NRXN3: variants seen among roughly 807,000 people sequenced by gnomAD.
NRXN3 encodes neurexin III.
NRXN3 carries 32 observed loss-of-function variants against 137.6 expected under a neutral mutation model. The ratio of observed to expected loss-of-function variants is 0.23; its 90% CI spans 0.18 to 0.31. The LOEUF is 0.31. Ranked by LOEUF, NRXN3 falls within the 10% of genes least tolerant of loss-of-function variation. The pLI is 1.00. For synonymous variants in NRXN3, 798 were observed against 784.5 expected, an observed-to-expected ratio of 1.02 and a Z score of -0.29; for missense variants, 1,574 against 2,062.5, an observed-to-expected ratio of 0.76 and a Z score of 4.59.
At chr14:78,626,618 G>T (rs1336857836) in intron 4 of NRXN3, among the ~76,000 whole-genome samples, 1 of 152,158 alleles carries the variant, frequency 6.6e-6, no homozygotes, top group Non-Finnish European at 1.5e-5. Flanking sequence ...CAGATAAAAA[G>T]TCATTCATGT....
At chr14:79,102,669 A>C (rs2051558174) in intron 15 of NRXN3, among the ~76,000 whole-genome samples, 1 of 152,142 alleles carries the variant, frequency 6.6e-6, no homozygotes, top group African/African-American at 2.4e-5. Flanking sequence ...TTTATAAGGC[A>C]AAAGGAGTGG....
At position 79,117,619 on chromosome 14, in the gene NRXN3, T is replaced by C. The variant is rs565679849; in HGVS notation, c.3262+129478T>C. 7.6e-4 allele frequency among the ~76,000 whole-genome samples: 115 copies of C among 152,238 alleles called. 1 individual carries two copies. Among genetic ancestry groups the C allele is most frequent in the African/African-American group, 2.8e-3 (115 of 41,534 alleles). ...ACATTTTTAAGGCAGCACAGACAAG[T>C]GTGATCGGTAGAAGTCATGGTGAGT... is the stretch of plus-strand genomic sequence containing the variant. On this transcript the variant is annotated intron_variant, in intron 15 of 20. Transcript: ENST00000335750.
At chr14:79,679,098 G>A (rs1173004592) in intron 17 of NRXN3, among the ~76,000 whole-genome samples, 1 of 148,224 alleles carries the variant, frequency 6.7e-6, no homozygotes. Context: ...GTTGTCAGTT[G>A]AAATTATTTT....
intron 4 of NRXN3, among the ~76,000 whole-genome samples, chr14:78,415,443 G>A (rs1035940474): frequency 4.6e-5 from 7 of 152,038 alleles, no homozygotes; most frequent in Non-Finnish European, 8.8e-5. Context: ...TGGGTAAGCC[G>A]TCCAGTTAGT....
intron 7 of NRXN3, among the ~76,000 whole-genome samples, chr14:78,710,410 G>T (rs2098396877): frequency 6.6e-6 from 1 of 152,152 alleles, no homozygotes; most frequent in South Asian, 2.1e-4. Context: ...GTTTTTGAAT[G>T]CCTGGACAGT....
intron 10 of NRXN3, among the ~76,000 whole-genome samples, chr14:78,892,529 A>G (rs1451261391): frequency 6.6e-6 from 1 of 151,802 alleles, no homozygotes; most frequent in East Asian, 1.9e-4. Context: ...GTGGGGAAGA[A>G]GTGTGATCAA....
intron 2 of NRXN3, among the ~76,000 whole-genome samples, chr14:78,252,631 A>C (rs1425476771): frequency 6.6e-6 from 1 of 152,156 alleles, no homozygotes; most frequent in African/African-American, 2.4e-5. Flanking sequence ...AAGTCCTTAG[A>C]AGACGGAGTC....
chr14:78,474,971 T>C (rs1001361212), intron 4 of NRXN3, among the ~76,000 whole-genome samples: 2 of 152,176 alleles, frequency 1.3e-5, no homozygotes, highest in African/African-American at 4.8e-5. Flanking sequence ...GTGGGTCTAG[T>C]GTACCCCAGG....
intron 15 of NRXN3, among the ~76,000 whole-genome samples, chr14:79,266,691 C>T (rs1466764529): frequency 6.6e-6 from 1 of 152,132 alleles, no homozygotes; most frequent in East Asian, 1.9e-4. Context: ...TCTAGGGACT[C>T]ACTCTGACAT....
chr14:79,544,197 T>C (rs1332375706), intron 16 of NRXN3, among the ~76,000 whole-genome samples: 1 of 152,214 alleles, frequency 6.6e-6, no homozygotes, highest in Non-Finnish European at 1.5e-5. Context: ...AGTAACTAAG[T>C]AGTAATGGTG....
intron 4 of NRXN3, among the ~76,000 whole-genome samples, chr14:78,492,738 A>G (rs2095692903): frequency 6.6e-6 from 1 of 152,160 alleles, no homozygotes; most frequent in Non-Finnish European, 1.5e-5. Context: ...GATAGCAGGT[A>G]AGAAAAACTC....
intron 15 of NRXN3, among the ~76,000 whole-genome samples, chr14:79,320,639 A>G (rs2089831102): frequency 1.3e-5 from 2 of 152,192 alleles, no homozygotes; most frequent in African/African-American, 2.4e-5. Context: ...ATGCAAGACC[A>G]ATGCCCCATT....
At chr14:79,593,462 C>T (rs1212923865) in intron 16 of NRXN3, among the ~76,000 whole-genome samples, 22 of 151,926 alleles carry the variant, frequency 1.4e-4, no homozygotes. Flanking sequence ...AGCCCTGTCT[C>T]TACTAAAAAT....
intron 3 of NRXN3, among the ~76,000 whole-genome samples, chr14:78,293,968 A>T (rs1357541283): frequency 6.6e-6 from 1 of 152,234 alleles, no homozygotes; most frequent in Non-Finnish European, 1.5e-5. Context: ...CTGGTAGCCC[A>T]TGCTGCTACC....
chr14:78,246,630 G>A (rs934590780), intron 2 of NRXN3, among the ~76,000 whole-genome samples: 1 of 152,184 alleles, frequency 6.6e-6, no homozygotes, highest in Admixed American at 6.5e-5. Context: ...TTGTCATCAA[G>A]TCTAATCAAT....
chr14:78,787,642 G>A (rs1160347264), intron 8 of NRXN3, among the ~76,000 whole-genome samples: 1 of 152,134 alleles, frequency 6.6e-6, no homozygotes, highest in Middle Eastern at 3.2e-3. Flanking sequence ...CTGGAATACT[G>A]AGAAAAAGAA....
intron 15 of NRXN3, among the ~76,000 whole-genome samples, chr14:79,362,980 A>G (rs996702318): frequency 6.6e-6 from 1 of 151,420 alleles, no homozygotes; most frequent in Admixed American, 6.6e-5. Context: ...ATGGTGAGTG[A>G]CCATTTAGAA....
At chr14:79,184,262 AT>A (rs1183652681) in intron 15 of NRXN3, among the ~76,000 whole-genome samples, 5 of 152,210 alleles carry the variant, frequency 3.3e-5, no homozygotes, top group Non-Finnish European at 5.9e-5. Flanking sequence ...CTGTTCAGTA[AT>A]TTTTAATTTT....
At chr14:79,379,375 C>T (rs1382479421) in intron 15 of NRXN3, among the ~76,000 whole-genome samples, 2 of 152,058 alleles carry the variant, frequency 1.3e-5, no homozygotes, top group East Asian at 1.9e-4. Context: ...AGGTACATTC[C>T]GTAAAGTGTT....
Sources: allele counts gnomAD v4.1 joint callset (sites outside exome capture counted in the v4.1 genomes callset), GRCh38; gene constraint gnomAD v4.1.1; transcripts MANE v1.5; gene names NCBI Gene and HGNC (gene_info 2026-07-23, HGNC 2026-07-21).